DPRX: variants seen among roughly 807,000 people sequenced by gnomAD.
DPRX encodes divergent paired-related homeobox.
Under a neutral mutation model 8.4 loss-of-function variants are expected in DPRX, and 11 were observed. The observed-to-expected ratio is 1.31, with a 90% CI of 0.82 to 2.17. DPRX has a LOEUF of 2.17. DPRX is among the 30% of genes most tolerant of loss of function. DPRX has a pLI of 0.00. For missense variants in DPRX, 211 were observed against 236.7 expected (o/e 0.89, Z 0.71); for synonymous variants, 72 against 87.0 (o/e 0.83, Z 0.96).
the DPRX span, among the ~76,000 whole-genome samples, chr19:53,615,914 G>T: frequency 2.6e-5 from 4 of 151,610 alleles, no homozygotes; most frequent in Non-Finnish European, 5.9e-5. Flanking sequence ...ACCAGCTTGG[G>T]CAACATAGTG....
chr19:53,630,611 T>C (rs1450894222), upstream of DPRX, among the ~76,000 whole-genome samples: 1 of 151,674 alleles, frequency 6.6e-6, no homozygotes, highest in Non-Finnish European at 1.5e-5. Flanking sequence ...TGCAGTCAGC[T>C]GTGTTTTTTG....
the DPRX span, among the ~76,000 whole-genome samples, chr19:53,613,113 C>A: frequency 1.1e-3 from 169 of 152,214 alleles, no homozygotes; most frequent in African/African-American, 4.0e-3. Flanking sequence ...GTTTCTATGG[C>A]TAGCCTTGGG....
upstream of DPRX, chr19:53,630,179 C>G (rs1282254506): frequency 6.6e-6 from 1 of 150,512 alleles, no homozygotes; most frequent in African/African-American, 2.5e-5. Flanking sequence ...CGCCACTGCA[C>G]TCTAACCTGG....
the DPRX span, among the ~76,000 whole-genome samples, chr19:53,614,946 CCTGT>C: frequency 6.6e-6 from 1 of 151,838 alleles, no homozygotes; most frequent in East Asian, 1.9e-4. Context: ...ATAGAAAGAC[CCTGT>C]CTCTCTATTT....
chr19:53,631,336 T>G (rs1346722893), upstream of DPRX, among the ~76,000 whole-genome samples: 1 of 151,308 alleles, frequency 6.6e-6, no homozygotes, highest in African/African-American at 2.4e-5. Context: ...TCTGAGTGAG[T>G]TAACTAAATC....
At chr19:53,611,037 G>C in the DPRX span, among the ~76,000 whole-genome samples, 1 of 151,936 alleles carries the variant, frequency 6.6e-6, no homozygotes. Flanking sequence ...AAGTAGCTGG[G>C]ATTACAGGCA....
chr19:53,602,047 T>C, the DPRX span: 3 of 456,568 alleles, frequency 6.6e-6, no homozygotes, highest in South Asian at 4.6e-5. Context: ...ACGGTGAAAG[T>C]GAATCCCACA....
At chr19:53,629,411 C>A (rs1411085092), upstream of DPRX, among the ~76,000 whole-genome samples, 1 of 150,994 alleles carries the variant, frequency 6.6e-6, no homozygotes, top group Non-Finnish European at 1.5e-5. Context: ...AGCCAGCACA[C>A]AAAAGGTTAC....
the DPRX span, among the ~76,000 whole-genome samples, chr19:53,617,561 C>CAAAA: frequency 2.9e-5 from 3 of 103,714 alleles, no homozygotes; most frequent in Non-Finnish European, 3.8e-5. Context: ...TCCGTCTCAC[C>CAAAA]AAAAAAAAAA....
Position 53,634,622 on chromosome 19 carries a change from C to G in DPRX, c.120C>G (p.Tyr40Ter), listed in dbSNP as rs755357121. The G allele has an allele frequency of 6.2e-7, 1 of 1,614,022 alleles. No homozygotes were observed. Among genetic ancestry groups the G allele is most frequent in the Middle Eastern group, 1.7e-4 (1 of 6,060 alleles). ...ACATCTTGTTCAATGAGAACCCATACCCAAACCCCAGCCTTCAGAAAGAAA... is the reference window on the plus strand; with the variant it reads ...ACATCTTGTTCAATGAGAACCCATAGCCAAACCCCAGCCTTCAGAAAGAAA... The change falls in exon 2 of 3, where the codon TAC (tyrosine) becomes TAG (stop). Residue 40 changes from tyrosine to a stop codon, truncating the protein, a stop_gained. Coordinates refer to ENST00000376650, the Ensembl canonical transcript of DPRX. LOFTEE classifies it high-confidence loss of function.
chr19:53,614,585 AATTTT>A, the DPRX span, among the ~76,000 whole-genome samples: 1 of 152,136 alleles, frequency 6.6e-6, no homozygotes, highest in Non-Finnish European at 1.5e-5. Context: ...AGAAGTCGTT[AATTTT>A]ATTTTATTTT....
the DPRX span, among the ~76,000 whole-genome samples, chr19:53,603,125 C>T: frequency 6.6e-6 from 1 of 151,058 alleles, no homozygotes; most frequent in Non-Finnish European, 1.5e-5. Flanking sequence ...GGTCTTGATT[C>T]ACTGAAGCCT....
At chr19:53,630,166 T>A (rs2122155943), upstream of DPRX, 1 of 149,066 alleles carries the variant, frequency 6.7e-6, no homozygotes, top group South Asian at 2.1e-4. Context: ...TGAGCCGGGA[T>A]CACGCCACTG....
intron 2 of DPRX, among the ~76,000 whole-genome samples, chr19:53,635,919 G>A (rs2091110199): frequency 6.6e-6 from 1 of 152,072 alleles, no homozygotes. Flanking sequence ...CCCCTGCTCT[G>A]GGTTTTCTGA....
chr19:53,607,734 C>A, the DPRX span, among the ~76,000 whole-genome samples: 1 of 151,300 alleles, frequency 6.6e-6, no homozygotes, highest in South Asian at 2.1e-4. Flanking sequence ...TGGCACGCAC[C>A]TGTAATCCCA....
the DPRX span, among the ~76,000 whole-genome samples, chr19:53,602,624 C>T: frequency 6.6e-6 from 1 of 151,606 alleles, no homozygotes; most frequent in Non-Finnish European, 1.5e-5. Flanking sequence ...AACTCGGCCT[C>T]TCCGGTTCAA....
At chr19:53,602,626 C>T in the DPRX span, among the ~76,000 whole-genome samples, 1 of 151,542 alleles carries the variant, frequency 6.6e-6, no homozygotes, top group African/African-American at 2.4e-5. Context: ...CTCGGCCTCT[C>T]CGGTTCAAAT....
the DPRX span, among the ~76,000 whole-genome samples, chr19:53,614,225 C>T: frequency 4.6e-5 from 7 of 152,182 alleles, no homozygotes; most frequent in Admixed American, 4.6e-4. Context: ...GCTGGGATTA[C>T]AGGCGTGAGC....
At chr19:53,630,700 C>A (rs1329192461), upstream of DPRX, among the ~76,000 whole-genome samples, 1 of 151,818 alleles carries the variant, frequency 6.6e-6, no homozygotes, top group African/African-American at 2.4e-5. Context: ...ACCACTGTCA[C>A]AAGTAGAGAT....
Sources: gnomAD v4.1 joint callset for allele counts (sites outside exome capture counted in the v4.1 genomes callset) on GRCh38, gnomAD v4.1.1 for gene constraint, MANE v1.5 for transcripts, NCBI Gene and HGNC (gene_info 2026-07-23, HGNC 2026-07-21) for gene names.